The following RCBTB2 variants were observed in gnomAD, a reference collection of about 807,000 sequenced individuals.
The protein encoded by RCBTB2 is RCC1 and BTB domain containing protein 2.
Under a neutral mutation model 65.4 loss-of-function variants are expected in RCBTB2, and 55 were observed. That is an observed-to-expected ratio of 0.84 (90% CI 0.68 to 1.05). The LOEUF is 1.05. Ranked by LOEUF, RCBTB2 falls within the 50% of genes least tolerant of loss-of-function variation. RCBTB2 has a pLI of 0.00. For synonymous variants in RCBTB2, 220 were observed against 255.2 expected, an observed-to-expected ratio of 0.86 and a Z score of 1.31; for missense variants, 599 against 680.1, an observed-to-expected ratio of 0.88 and a Z score of 1.33.
At chr13:48,527,337 G>GATATATATATATATCAT (rs1174299074) in intron 1 of RCBTB2, among the ~76,000 whole-genome samples, 2 of 112,198 alleles carry the variant, frequency 1.8e-5, no homozygotes, top group Admixed American at 8.2e-5. Flanking sequence ...ATATATATAT[G>GATATATATATATATCAT]ATATATATAT....
chr13:48,505,541 T>C (rs1206126104), intron 10 of RCBTB2, among the ~76,000 whole-genome samples: 1 of 151,900 alleles, frequency 6.6e-6, no homozygotes, highest in East Asian at 1.9e-4. Context: ...ATAAAGAAAA[T>C]GGGAGAAGGA....
intron 2 of RCBTB2, 135 bp from the exon 3 acceptor site, chr13:48,522,538 G>A: frequency 1.7e-6 from 1 of 594,938 alleles, no homozygotes; most frequent in Non-Finnish European, 3.0e-6. Context: ...AAATGTTCTT[G>A]CCTTAATAAC....
intron 4 of RCBTB2, among the ~76,000 whole-genome samples, chr13:48,520,727 C>T (rs73182514): frequency 1.4e-4 from 22 of 152,222 alleles, no homozygotes; most frequent in African/African-American, 4.6e-4. Flanking sequence ...TATGAAGAAT[C>T]GAGTGTATAA....
chr13:48,514,997 G>A (rs924887143), intron 6 of RCBTB2, among the ~76,000 whole-genome samples: 12 of 152,190 alleles, frequency 7.9e-5, no homozygotes, highest in African/African-American at 2.2e-4. Context: ...GGCTTACAGC[G>A]TTGTCATTCA....
chr13:48,498,346 ATAACTT>A (rs1427353054), intron 13 of RCBTB2, among the ~76,000 whole-genome samples: 4 of 152,242 alleles, frequency 2.6e-5, no homozygotes, highest in African/African-American at 9.6e-5. Flanking sequence ...AGCTTGACAT[ATAACTT>A]TAAGTTTTTA....
At chr13:48,513,288 T>C (rs1325559607) in intron 6 of RCBTB2, among the ~76,000 whole-genome samples, 1 of 152,202 alleles carries the variant, frequency 6.6e-6, no homozygotes, top group Non-Finnish European at 1.5e-5. Flanking sequence ...TTTGTTATTA[T>C]TTATTGGGTA....
At chr13:48,519,307 A>G (rs1300059312) in intron 4 of RCBTB2, among the ~76,000 whole-genome samples, 3 of 152,224 alleles carry the variant, frequency 2.0e-5, no homozygotes, top group African/African-American at 7.2e-5. Flanking sequence ...AACAGCACAC[A>G]TGGAAAGATA....
chr13:48,492,849 C>A (rs1397637459), intron 14 of RCBTB2, among the ~76,000 whole-genome samples: 1 of 152,212 alleles, frequency 6.6e-6, no homozygotes, highest in Non-Finnish European at 1.5e-5. Flanking sequence ...TGCCTCATAG[C>A]TTTGACTTCA....
intron 14 of RCBTB2, among the ~76,000 whole-genome samples, chr13:48,493,315 A>ACTCTCTCCCTCTCT (rs1555297880): frequency 6.7e-5 from 5 of 75,028 alleles, no homozygotes; most frequent in African/African-American, 2.4e-4. Context: ...ACACACACAC[A>ACTCTCTCCCTCTCT]CTCTCTCTCT....
At chr13:48,499,142 ACT>A (rs568053175) in intron 13 of RCBTB2, among the ~76,000 whole-genome samples, 6,840 of 131,652 alleles carry the variant, frequency 0.052, 172 homozygotes, top group East Asian at 0.096. Context: ...ACACACACAC[ACT>A]CTCTCTCTCT....
At chr13:48,495,697 C>T (rs1220660659) in intron 14 of RCBTB2, among the ~76,000 whole-genome samples, 2 of 152,212 alleles carry the variant, frequency 1.3e-5, no homozygotes, top group Admixed American at 6.5e-5. Flanking sequence ...TTTAGGAGAA[C>T]ACCATTATTC....
At chr13:48,506,553 G>A (rs1950514029) in intron 10 of RCBTB2, among the ~76,000 whole-genome samples, 1 of 152,188 alleles carries the variant, frequency 6.6e-6, no homozygotes, top group African/African-American at 2.4e-5. Context: ...TGGCCCAGGG[G>A]ATGAGTCTAA....
chr13:48,502,375 C>T (rs1477098955), intron 11 of RCBTB2, among the ~76,000 whole-genome samples: 1 of 151,812 alleles, frequency 6.6e-6, no homozygotes, highest in East Asian at 1.9e-4. Flanking sequence ...TATGTATAGT[C>T]CCAGCTACTC....
At position 48,504,339 on chromosome 13, in the gene RCBTB2, T is replaced by C. The variant is rs185857591; in HGVS notation, c.927-1425A>G. On this transcript the variant is annotated intron_variant, in intron 10 of 14. Coordinates refer to ENST00000344532, the MANE Select transcript of RCBTB2 (RefSeq NM_001268.4). ...ACACAAGACATAACTCCATCCATGA[T>C]TTGGCGTCACCTCTGTACAGACATC... 451 of 985,444 alleles carry C rather than the reference T, an allele frequency of 4.6e-4. 2 individuals are homozygous for C. In the African/African-American group the frequency reaches 7.0e-3, roughly 15 times the overall value. The allele number at this position is 985,444 out of a possible 1,614,324, so 61.0% of individuals were successfully genotyped here.
intron 1 of RCBTB2, among the ~76,000 whole-genome samples, chr13:48,527,159 A>G (rs1951785740): frequency 1.3e-5 from 2 of 151,524 alleles, no homozygotes; most frequent in Middle Eastern, 3.4e-3. Context: ...GAAGCTGGCA[A>G]CAGTATTGGG....
At chr13:48,516,102 GA>G (rs1951073659) in intron 4 of RCBTB2, among the ~76,000 whole-genome samples, 1 of 150,158 alleles carries the variant, frequency 6.7e-6, no homozygotes, top group Non-Finnish European at 1.5e-5. Flanking sequence ...GAGACAGAGA[GA>G]GAGAGAGAGA....
intron 4 of RCBTB2, 41 bp from the exon 5 acceptor site, chr13:48,515,782 A>G (rs1951054565): frequency 6.4e-7 from 1 of 1,573,548 alleles, no homozygotes; most frequent in Admixed American, 1.9e-5. Flanking sequence ...CAAATTAAAA[A>G]GTGAATTTTC....
At chr13:48,534,495 C>G (rs926195514), upstream of RCBTB2, among the ~76,000 whole-genome samples, 2 of 152,216 alleles carry the variant, frequency 1.3e-5, no homozygotes, top group Non-Finnish European at 2.9e-5. Context: ...GCCTTGCGCA[C>G]TTGGTCTTTT....
chr13:48,510,700 A>G lies in RCBTB2; in HGVS notation c.855T>C (p.Ser285=), dbSNP rs761334314. The change falls in exon 10 of 15, where the codon TCT becomes TCC. Residue 285 remains serine, a synonymous_variant. Coordinates refer to ENST00000344532, the MANE Select transcript of RCBTB2 (RefSeq NM_001268.4). ...TATTGCCAGTGCCCAACTGCCCATA[A>G]GAATTGGCGCCCCAAGCATACACTT... ...EGQVYAWGAN[S]YGQLGTGNKS... The G allele has an allele frequency of 6.2e-7, 1 of 1,614,170 alleles. No individual in the cohort carries two copies. Among genetic ancestry groups the G allele is most frequent in the South Asian group, 1.1e-5 (1 of 91,070 alleles).
Sources: allele counts gnomAD v4.1 joint callset (sites outside exome capture counted in the v4.1 genomes callset), GRCh38; gene constraint gnomAD v4.1.1; transcripts MANE v1.5; gene names NCBI Gene and HGNC (gene_info 2026-07-23, HGNC 2026-07-21).